Variants in TMEM178B observed in about 807,000 individuals in gnomAD.
TMEM178B encodes transmembrane protein 178B.
Under a neutral mutation model 31.0 loss-of-function variants are expected in TMEM178B, and 5 were observed. That is an observed-to-expected ratio of 0.16 (90% CI 0.08 to 0.34). The LOEUF (loss-of-function observed/expected upper bound fraction) is 0.34. Ranked by LOEUF, TMEM178B falls within the 10% of genes least tolerant of loss-of-function variation. The pLI, the probability that TMEM178B is intolerant of heterozygous loss-of-function variation, is 1.00. For missense variants in TMEM178B, 275 were observed against 400.3 expected, an observed-to-expected ratio of 0.69 and a Z score of 2.67; for synonymous variants, 164 against 164.0, an observed-to-expected ratio of 1.00 and a Z score of 0.00.
At chr7:141,131,719 A>G (rs1795598639) in intron 1 of TMEM178B, among the ~76,000 whole-genome samples, 1 of 152,094 alleles carries the variant, frequency 6.6e-6, no homozygotes, top group Non-Finnish European at 1.5e-5. Context: ...GCATTTGGGT[A>G]GTTTCTAGTT....
At chr7:141,329,738 C>T (rs1459604787) in intron 2 of TMEM178B, among the ~76,000 whole-genome samples, 1 of 152,194 alleles carries the variant, frequency 6.6e-6, no homozygotes, top group Non-Finnish European at 1.5e-5. Context: ...TCAAGTTACA[C>T]AGTCTGTTCT....
At chr7:141,332,010 G>T (rs1399594469) in intron 2 of TMEM178B, among the ~76,000 whole-genome samples, 1 of 152,112 alleles carries the variant, frequency 6.6e-6, no homozygotes, top group Non-Finnish European at 1.5e-5. Flanking sequence ...GTGTTCTCAG[G>T]ACACTTACCT....
intron 2 of TMEM178B, among the ~76,000 whole-genome samples, chr7:141,404,993 C>A (rs1800856147): frequency 6.6e-6 from 1 of 152,246 alleles, no homozygotes; most frequent in Non-Finnish European, 1.5e-5. Flanking sequence ...GCACACGGAG[C>A]TCCTGTTCTG....
intron 1 of TMEM178B, among the ~76,000 whole-genome samples, chr7:141,149,780 A>G (rs1795931085): frequency 6.6e-6 from 1 of 152,236 alleles, no homozygotes; most frequent in Admixed American, 6.5e-5. Context: ...GAGACAAGGA[A>G]GGGTTCCGCC....
At chr7:141,263,583 CA>C (rs1798048887) in intron 2 of TMEM178B, among the ~76,000 whole-genome samples, 1 of 152,174 alleles carries the variant, frequency 6.6e-6, no homozygotes, top group South Asian at 2.1e-4. Flanking sequence ...TGAGACTACA[CA>C]AGGACTTGCA....
intron 2 of TMEM178B, among the ~76,000 whole-genome samples, chr7:141,245,922 T>C (rs1318972005): frequency 6.6e-6 from 1 of 152,234 alleles, no homozygotes. Flanking sequence ...CTTTTGGACC[T>C]CACTCTGGAA....
chr7:141,445,683 C>T (rs1273617314), intron 3 of TMEM178B, among the ~76,000 whole-genome samples: 1 of 152,200 alleles, frequency 6.6e-6, no homozygotes, highest in African/African-American at 2.4e-5. Context: ...TACTATGAGA[C>T]AGGCTTACAA....
chr7:141,224,845 G>A (rs1414082910), intron 2 of TMEM178B, among the ~76,000 whole-genome samples: 1 of 152,198 alleles, frequency 6.6e-6, no homozygotes, highest in Non-Finnish European at 1.5e-5. Context: ...AAAGTCTCCT[G>A]AATGAGGTTG....
chr7:141,100,177 G>T (rs1463138164), intron 1 of TMEM178B, among the ~76,000 whole-genome samples: 1 of 151,640 alleles, frequency 6.6e-6, no homozygotes, highest in Non-Finnish European at 1.5e-5. Context: ...TTTAGAATAA[G>T]CAGATTCTCA....
intron 2 of TMEM178B, among the ~76,000 whole-genome samples, chr7:141,336,997 CAT>C (rs1563155252): frequency 1.1e-5 from 1 of 90,710 alleles, no homozygotes. Flanking sequence ...TCACTACCAT[CAT>C]CATCACCACC....
At chr7:141,122,868 G>A (rs1357540640) in intron 1 of TMEM178B, among the ~76,000 whole-genome samples, 1 of 152,168 alleles carries the variant, frequency 6.6e-6, no homozygotes, top group East Asian at 1.9e-4. Flanking sequence ...ATTACAGCTT[G>A]TTTGCTTCCA....
intron 3 of TMEM178B, among the ~76,000 whole-genome samples, chr7:141,447,666 G>A (rs1801785262): frequency 6.6e-6 from 1 of 152,112 alleles, no homozygotes; most frequent in Non-Finnish European, 1.5e-5. Flanking sequence ...TCTACCACCT[G>A]CCACTCCCAG....
Position 141,470,836 on chromosome 7 carries a change from T to C in TMEM178B, c.*50T>C. 1 of 958,022 alleles carries C rather than the reference T, an allele frequency of 1.0e-6. No individual in the cohort carries two copies. Among genetic ancestry groups the C allele is most frequent in the Non-Finnish European group, 1.3e-6 (1 of 772,696 alleles). The allele number at this position is 958,022 out of a possible 1,614,324, so 59.3% of individuals were successfully genotyped here. On this transcript the variant is annotated 3_prime_UTR_variant, in exon 4 of 4. Transcript: ENST00000565468. ...TATATATAAATATATATATATAATA[T>C]ACATATATAAAACAAAACAAAACTA... is the stretch of plus-strand genomic sequence containing the variant.
chr7:141,222,247 G>A (rs1220998908), intron 2 of TMEM178B, among the ~76,000 whole-genome samples: 1 of 152,098 alleles, frequency 6.6e-6, no homozygotes, highest in Non-Finnish European at 1.5e-5. Flanking sequence ...TTTTTGTTTT[G>A]TATTGTGTGT....
intron 2 of TMEM178B, among the ~76,000 whole-genome samples, chr7:141,413,718 CT>C (rs1801045231): frequency 6.6e-6 from 1 of 152,226 alleles, no homozygotes; most frequent in South Asian, 2.1e-4. Flanking sequence ...CTGAAAAGAG[CT>C]GTTTGAACTT....
At chr7:141,264,326 T>C (rs148310799) in intron 2 of TMEM178B, among the ~76,000 whole-genome samples, 1 of 152,362 alleles carries the variant, frequency 6.6e-6, no homozygotes, top group East Asian at 1.9e-4. Flanking sequence ...GGCCAGACTC[T>C]CTTTGGGCAA....
At chr7:141,130,826 A>G (rs1563095537) in intron 1 of TMEM178B, among the ~76,000 whole-genome samples, 1 of 152,228 alleles carries the variant, frequency 6.6e-6, no homozygotes, top group Non-Finnish European at 1.5e-5. Context: ...TTTTATTGCT[A>G]TACCATTCTG....
At chr7:141,239,062 TTTGTTG>T (rs559750411) in intron 2 of TMEM178B, among the ~76,000 whole-genome samples, 1 of 152,084 alleles carries the variant, frequency 6.6e-6, no homozygotes, top group Non-Finnish European at 1.5e-5. Flanking sequence ...CTAGGTTTTT[TTTGTTG>T]TTGTTGTTGT....
chr7:141,178,674 A>G (rs1796470861), intron 1 of TMEM178B, among the ~76,000 whole-genome samples: 1 of 152,212 alleles, frequency 6.6e-6, no homozygotes, highest in South Asian at 2.1e-4. Context: ...TAATGCAATT[A>G]TGTGCTCCAT....
Sources: gnomAD v4.1 joint callset for allele counts (sites outside exome capture counted in the v4.1 genomes callset) on GRCh38, gnomAD v4.1.1 for gene constraint, MANE v1.5 for transcripts, NCBI Gene and HGNC (gene_info 2026-07-23, HGNC 2026-07-21) for gene names.